The following DNM2 variants were observed in gnomAD, a reference collection of about 807,000 sequenced individuals.
The protein encoded by DNM2 is dynamin-2.
Under a neutral mutation model 99.0 loss-of-function variants are expected in DNM2, and 15 were observed. The ratio of observed to expected loss-of-function variants is 0.15; its 90% confidence interval spans 0.10 to 0.23. The LOEUF (loss-of-function observed/expected upper bound fraction) is 0.23. DNM2 is among the 10% of genes least tolerant of loss of function. The pLI, the probability that DNM2 is intolerant of heterozygous loss-of-function variation, is 1.00. For missense variants in DNM2, 742 were observed against 1,189.4 expected (o/e 0.62, Z 5.53); for synonymous variants, 525 against 481.2 (o/e 1.09, Z -1.19).
At position 10,785,139 on chromosome 19, in the gene DNM2, A is replaced by T. The variant is rs965825200; in HGVS notation, c.850-1425A>T. Among the ~76,000 whole-genome samples, 22 of 150,890 alleles carry T rather than the reference A, an allele frequency of 1.5e-4. 1 individual carries two copies. Among genetic ancestry groups the T allele is most frequent in the African/African-American group, 5.4e-4 (22 of 40,966 alleles). On this transcript the variant is annotated intron_variant, in intron 6 of 20. Transcript: ENST00000389253. ...ATCCCGGCCTTCCCCTCAACCCCAGATGGAGTCTCGCTCTGTTGCCCAGGC... is the reference window on the plus strand; with the variant it reads ...ATCCCGGCCTTCCCCTCAACCCCAGTTGGAGTCTCGCTCTGTTGCCCAGGC...
chr19:10,799,906 C>G (rs1408942352), intron 11 of DNM2, among the ~76,000 whole-genome samples: 1 of 152,000 alleles, frequency 6.6e-6, no homozygotes, highest in Non-Finnish European at 1.5e-5. Flanking sequence ...TTGCTGCCTA[C>G]CCCTCAGCTG....
intron 1 of DNM2, among the ~76,000 whole-genome samples, chr19:10,729,069 G>C (rs188959093): frequency 6.6e-5 from 8 of 121,952 alleles, no homozygotes; most frequent in African/African-American, 1.9e-4. Flanking sequence ...AAAAATATAG[G>C]CAGGAGAATG....
chr19:10,814,054 T>TG lies in DNM2; in HGVS notation c.1671+1683dup, dbSNP rs1324276446. Among the ~76,000 whole-genome samples, 5 of 151,018 alleles carry TG rather than the reference T, an allele frequency of 3.3e-5. No homozygotes were observed. In the East Asian group the frequency reaches 7.9e-4, roughly 24 times the overall value. On this transcript the variant is annotated intron_variant, in intron 15 of 20. Coordinates refer to ENST00000389253, the MANE Select transcript of DNM2 (RefSeq NM_001005361.3). ...GCGCACGCTTGTAATCCTAGTTACT[T>TG]GGGGGGCTGAGGCAGGAGAATCACC...
intron 11 of DNM2, among the ~76,000 whole-genome samples, chr19:10,801,939 G>T (rs938765880): frequency 2.6e-5 from 4 of 151,356 alleles, no homozygotes; most frequent in Non-Finnish European, 5.9e-5. Context: ...AAAAACAACT[G>T]CACATTATTA....
chr19:10,786,463 G>A, intron 6 of DNM2, 101 bp from the exon 7 acceptor site: 3 of 1,582,236 alleles, frequency 1.9e-6, no homozygotes, highest in Non-Finnish European at 1.7e-6. Flanking sequence ...TGGCCGCATA[G>A]TGGCACCCTG....
intron 18 of DNM2, 37 bp downstream of exon 18, chr19:10,825,258 G>A (rs1385946101): frequency 6.2e-7 from 1 of 1,611,726 alleles, no homozygotes; most frequent in African/African-American, 1.3e-5. Flanking sequence ...GAGGTAGCTG[G>A]GTGCGGTGGC....
Position 10,817,232 on chromosome 19 carries a change from T to C in DNM2, c.1672-2748T>C, listed in dbSNP as rs180698540. On this transcript the variant is annotated intron_variant, in intron 15 of 20. Transcript: ENST00000389253. This position sits in a 1 kb window ranked among gnomAD's most constrained non-coding sequence, Gnocchi z 4.6. ...CCATGGGGTGGGGATGGCAGACTGA[T>C]AGGGCCAGGGCCTCCAACCCCTCGG... 9.7e-4 allele frequency among the ~76,000 whole-genome samples: 148 copies of C among 152,278 alleles called. No homozygotes were observed. The highest frequency in any genetic ancestry group is 3.4e-3 in the African/African-American group (142 of 41,564).
chr19:10,805,228 C>T (rs932028160), intron 12 of DNM2, among the ~76,000 whole-genome samples: 1 of 152,152 alleles, frequency 6.6e-6, no homozygotes, highest in African/African-American at 2.4e-5. Flanking sequence ...AGGAGTCATG[C>T]AAGATATGTG....
chr19:10,734,933 A>G (rs576620729), intron 1 of DNM2, among the ~76,000 whole-genome samples: 1 of 151,524 alleles, frequency 6.6e-6, no homozygotes, highest in African/African-American at 2.4e-5. Context: ...ATGTCCCTCA[A>G]TTAGGGCTTA....
intron 7 of DNM2, among the ~76,000 whole-genome samples, chr19:10,790,242 A>G (rs2071704285): frequency 6.6e-6 from 1 of 152,228 alleles, no homozygotes; most frequent in African/African-American, 2.4e-5. Flanking sequence ...CGCCTGGTGC[A>G]GCCCACAGAC....
intron 1 of DNM2, among the ~76,000 whole-genome samples, chr19:10,734,027 AT>A (rs967367896): frequency 7.3e-5 from 11 of 151,568 alleles, no homozygotes; most frequent in African/African-American, 2.4e-4. Context: ...AAAAAAAAAA[AT>A]GAATGAATGA....
chr19:10,798,365 C>T, intron 10 of DNM2, 121 bp from the exon 11 acceptor site: 6 of 594,426 alleles, frequency 1.0e-5, no homozygotes, highest in South Asian at 6.3e-5. Context: ...AAGGTGTGGG[C>T]TCGGTGGGCC....
intron 5 of DNM2, among the ~76,000 whole-genome samples, chr19:10,778,041 T>TTATTTATTTATC (rs2071215521): frequency 6.7e-6 from 1 of 149,754 alleles, no homozygotes; most frequent in African/African-American, 2.4e-5. Context: ...ATTTATTTAT[T>TTATTTATTTATC]TATTTATTTA....
At chr19:10,802,109 G>C (rs1186076817) in intron 11 of DNM2, among the ~76,000 whole-genome samples, 179 bp from the exon 12 acceptor site, 1 of 152,018 alleles carries the variant, frequency 6.6e-6, no homozygotes, top group African/African-American at 2.4e-5. Context: ...GTGCTCTGTT[G>C]TCCCAGGCTC....
intron 7 of DNM2, among the ~76,000 whole-genome samples, chr19:10,792,402 A>G (rs914193078): frequency 6.6e-6 from 1 of 152,216 alleles, no homozygotes; most frequent in African/African-American, 2.4e-5. Context: ...GAGACAGCCC[A>G]GTACCCTAAG....
intron 1 of DNM2, among the ~76,000 whole-genome samples, chr19:10,746,376 C>G (rs900462063): frequency 7.9e-5 from 12 of 152,246 alleles, no homozygotes; most frequent in African/African-American, 2.4e-4. Flanking sequence ...GTCAAACCGT[C>G]AAATGTTATG....
At chr19:10,800,038 G>C (rs2146047026) in intron 11 of DNM2, among the ~76,000 whole-genome samples, 1 of 151,642 alleles carries the variant, frequency 6.6e-6, no homozygotes, top group East Asian at 1.9e-4. Context: ...TGTATTTTTA[G>C]TAGAGATGAG....
At position 10,817,611 on chromosome 19, in the gene DNM2, C is replaced by G; in HGVS notation, c.1672-2369C>G. 1 of 291,534 alleles carries G rather than the reference C, an allele frequency of 3.4e-6. No homozygotes were observed. The highest frequency in any genetic ancestry group is 1.0e-3 in the Middle Eastern group (1 of 964). The allele number at this position is 291,534 out of a possible 1,614,324, so 18.1% of individuals were successfully genotyped here. ...AAACCACCACTCTTCCCGAGACGAT[C>G]CGCTCTGTCCCTTCTGACGTGGCAA... On this transcript the variant is annotated intron_variant, in intron 15 of 20. Coordinates refer to ENST00000389253, the MANE Select transcript of DNM2 (RefSeq NM_001005361.3). This position sits in a 1 kb window ranked among gnomAD's most constrained non-coding sequence, Gnocchi z 4.6.
chr19:10,719,385 T>C (rs1392845691), intron 1 of DNM2, among the ~76,000 whole-genome samples: 1 of 151,976 alleles, frequency 6.6e-6, no homozygotes, highest in Non-Finnish European at 1.5e-5. Flanking sequence ...AGCCTACAAA[T>C]TGGGGGCCCT....
Sources: gnomAD v4.1 joint callset for allele counts (sites outside exome capture counted in the v4.1 genomes callset) on GRCh38, gnomAD v4.1.1 for gene constraint, Gnocchi (gnomAD v3.1) non-coding constraint, MANE v1.5 for transcripts, NCBI Gene and HGNC (gene_info 2026-07-23, HGNC 2026-07-21) for gene names.